Variants in MIDEAS observed in about 807,000 individuals in gnomAD.
MIDEAS encodes mitotic deacetylase-associated SANT domain protein.
A neutral mutation model predicts 102.7 loss-of-function variants in MIDEAS; 26 were observed. The ratio of observed to expected loss-of-function variants is 0.25; its 90% CI spans 0.19 to 0.35. The LOEUF (loss-of-function observed/expected upper bound fraction) is 0.35. MIDEAS is among the 10% of genes least tolerant of loss of function. The pLI is 1.00. For synonymous variants in MIDEAS, 585 were observed against 591.0 expected, an observed-to-expected ratio of 0.99 and a Z score of 0.15; for missense variants, 1,231 against 1,435.6, an observed-to-expected ratio of 0.86 and a Z score of 2.30.
intron 5 of MIDEAS, 118 bp from the exon 6 acceptor site, chr14:73,727,090 T>G: frequency 1.5e-6 from 2 of 1,313,320 alleles, no homozygotes; most frequent in Non-Finnish European, 1.0e-6. Flanking sequence ...CTCAGCTAGG[T>G]GTAGGGAGTC....
At chr14:73,782,391 A>G (rs1443474887) in intron 1 of MIDEAS, among the ~76,000 whole-genome samples, 3 of 152,170 alleles carry the variant, frequency 2.0e-5, no homozygotes, top group African/African-American at 2.4e-5. Context: ...GAAGAGAGAG[A>G]GAGAATCTCT....
At chr14:73,727,885 C>T (rs1211829595) in intron 4 of MIDEAS, 2 of 193,722 alleles carry the variant, frequency 1.0e-5, no homozygotes, top group Non-Finnish European at 2.1e-5. Context: ...ACACTAACTC[C>T]AACATAAAGC....
At chr14:73,734,648 C>G (rs541229534) in intron 3 of MIDEAS, among the ~76,000 whole-genome samples, 2 of 152,130 alleles carry the variant, frequency 1.3e-5, no homozygotes, top group South Asian at 4.2e-4. Context: ...CCAGGCTGGT[C>G]TCGAACTCCT....
chr14:73,732,897 C>G (rs922659727), intron 3 of MIDEAS, among the ~76,000 whole-genome samples: 1 of 150,726 alleles, frequency 6.6e-6, no homozygotes. Flanking sequence ...TCGAGACCAG[C>G]CTGGCCAACA....
At position 73,716,828 on chromosome 14, in the gene MIDEAS, G is replaced by T. The variant is rs1430691156; in HGVS notation, c.*2015C>A. 7 of 152,200 alleles carry T rather than the reference G, an allele frequency of 4.6e-5. No homozygotes were observed. The Admixed American group carries it at 4.6e-4, about 10-fold the overall frequency. The allele number at this position is 152,200 out of a possible 1,614,324, so 9.4% of individuals were successfully genotyped here. ...AACCAAATATGATTTGAATAGAAAA[G>T]ACCTTGGGAAACATAAGTAGCACTT... On this transcript the variant is annotated 3_prime_UTR_variant, in exon 13 of 13. Transcript: ENST00000423556.
intron 4 of MIDEAS, among the ~76,000 whole-genome samples, 167 bp downstream of exon 4, chr14:73,729,473 C>A (rs1433768571): frequency 6.6e-6 from 1 of 152,224 alleles, no homozygotes; most frequent in African/African-American, 2.4e-5. Context: ...CCCCACCCCT[C>A]CTTGTTGAAC....
intron 1 of MIDEAS, among the ~76,000 whole-genome samples, chr14:73,779,892 AG>A (rs1474118155): frequency 3.7e-5 from 4 of 107,754 alleles, no homozygotes; most frequent in Non-Finnish European, 7.6e-5. Context: ...TTTTTTTTTG[AG>A]ACAGAGTCTT....
At chr14:73,719,939 G>T (rs2052962560) in intron 11 of MIDEAS, among the ~76,000 whole-genome samples, 1 of 151,854 alleles carries the variant, frequency 6.6e-6, no homozygotes, top group African/African-American at 2.4e-5. Flanking sequence ...TCTGGTGGAA[G>T]GGACAGATGC....
rs773946244 is a variant in MIDEAS at position 73,730,041 on chromosome 14, A to C, written c.1750-56T>G. The C allele has an allele frequency of 8.4e-6, 13 of 1,550,888 alleles. No individual in the cohort carries two copies. In the South Asian group the frequency reaches 1.4e-4, roughly 16 times the overall value. On this transcript the variant is annotated intron_variant, in intron 3 of 12. Coordinates refer to ENST00000423556, the MANE Select transcript of MIDEAS (RefSeq NM_001367710.1). ...AGCCCCCCGTGTCCCAGAGAAAGTA[A>C]AGTCTTAACCACAGCTTGCCAGTCT...
intron 1 of MIDEAS, among the ~76,000 whole-genome samples, chr14:73,783,432 G>A (rs1042131174): frequency 3.3e-5 from 5 of 152,156 alleles, no homozygotes; most frequent in South Asian, 2.1e-4. Flanking sequence ...GTGGGTCACC[G>A]GGTCAGAGCC....
At chr14:73,730,169 G>C (rs76529453) in intron 3 of MIDEAS, 184 bp from the exon 4 acceptor site, 135,399 of 732,876 alleles carry the variant, frequency 0.18, 13,669 homozygotes, top group South Asian at 0.27. Context: ...GCAGAAGTCA[G>C]CAAACTTTTT....
At chr14:73,757,044 G>A (rs2053492154) in intron 1 of MIDEAS, among the ~76,000 whole-genome samples, 1 of 152,012 alleles carries the variant, frequency 6.6e-6, no homozygotes, top group Non-Finnish European at 1.5e-5. Flanking sequence ...AGGCCAAAGT[G>A]GGTGGATTTC....
At position 73,723,074 on chromosome 14, in the gene MIDEAS, C is replaced by T. The variant is rs2053017378; in HGVS notation, c.2575-227G>A. The T allele has an allele frequency of 6.9e-6, 3 of 432,676 alleles. No individual in the cohort carries two copies. In the South Asian group the frequency reaches 9.5e-5, roughly 14 times the overall value. 26.8% of individuals were successfully genotyped at this position (432,676 alleles called of 1,614,324 possible). A position where few individuals can be genotyped will look rare whatever the true frequency, so the allele number is the denominator to read the frequency against. Reference sequence around the variant, plus strand: ...AAAATAAGTAAATAAATAAAAAAAGCTATAAAGGACAATGTCGGAACCACT... The same window carrying T: ...AAAATAAGTAAATAAATAAAAAAAGTTATAAAGGACAATGTCGGAACCACT... On this transcript the variant is annotated intron_variant, in intron 9 of 12. Coordinates refer to ENST00000423556, the MANE Select transcript of MIDEAS (RefSeq NM_001367710.1).
At chr14:73,743,174 T>C (rs1033653830) in intron 1 of MIDEAS, among the ~76,000 whole-genome samples, 2 of 151,952 alleles carry the variant, frequency 1.3e-5, no homozygotes, top group African/African-American at 4.8e-5. Flanking sequence ...ACACCTCCCT[T>C]CCACAGCACA....
At chr14:73,721,683 T>TG in intron 10 of MIDEAS, 174 bp from the exon 11 acceptor site, 1 of 609,258 alleles carries the variant, frequency 1.6e-6, no homozygotes, top group Non-Finnish European at 2.9e-6. Context: ...ATAGTAGCCA[T>TG]GGGGACAGAA....
intron 1 of MIDEAS, among the ~76,000 whole-genome samples, chr14:73,784,580 T>C (rs116129293): frequency 7.4e-4 from 112 of 152,304 alleles, no homozygotes; most frequent in African/African-American, 2.1e-3. Context: ...ACTCAAAGCT[T>C]TGGGATCAGA....
Position 73,741,385 on chromosome 14 carries a change from T to C in MIDEAS, c.-247-1130A>G, listed in dbSNP as rs939923297. Among the ~76,000 whole-genome samples the C allele has an allele frequency of 3.3e-5, 5 of 150,790 alleles. No homozygotes were observed. The East Asian group carries it at 9.7e-4, about 29-fold the overall frequency. Reference sequence around the variant, plus strand: ...TTTTGTTTTTTTCCTGGGAAGTTGGTGGGGGTGGGAGCTACATAGCCCACC... The same window carrying C: ...TTTTGTTTTTTTCCTGGGAAGTTGGCGGGGGTGGGAGCTACATAGCCCACC... On this transcript the variant is annotated intron_variant, in intron 1 of 12. Coordinates refer to ENST00000423556, the MANE Select transcript of MIDEAS (RefSeq NM_001367710.1).
At position 73,729,980 on chromosome 14, in the gene MIDEAS, C is replaced by G. The variant is rs1385626250; in HGVS notation, c.1755G>C (p.Glu585Asp). The G allele has an allele frequency of 6.2e-7, 1 of 1,602,628 alleles. No individual in the cohort carries two copies. The highest frequency in any genetic ancestry group is 8.5e-7 in the Non-Finnish European group (1 of 1,172,528). Residue 585 changes from glutamate (E) to aspartate (D), a missense_variant, in exon 4 of 13, where the codon GAG becomes GAC. Glu to Asp is a conservative substitution (Grantham distance 45). Around this residue, in one of 5 missense-constraint regions of MIDEAS, gnomAD observed 758 missense variants for 856.0 expected, o/e 0.89. Coordinates refer to ENST00000423556, the MANE Select transcript of MIDEAS (RefSeq NM_001367710.1). ...IPGTDAQAQA[E>D]DMNVKLEGEP... ...CCCCCTCCAACTTGACATTCATGTC[C>G]TCTGCCTGGAGAAGGAAAGAAAACA...
chr14:73,725,961 C>T lies in MIDEAS; in HGVS notation c.2485+72G>A. 1 of 1,343,948 alleles carries T rather than the reference C, an allele frequency of 7.4e-7. No individual in the cohort carries two copies. Among genetic ancestry groups the T allele is most frequent in the Non-Finnish European group, 1.0e-6 (1 of 957,832 alleles). 83.3% of individuals were successfully genotyped at this position (1,343,948 alleles called of 1,614,324 possible). A position where few individuals can be genotyped will look rare whatever the true frequency, so the allele number is the denominator to read the frequency against. On this transcript the variant is annotated intron_variant, in intron 8 of 12. Coordinates refer to ENST00000423556, the MANE Select transcript of MIDEAS (RefSeq NM_001367710.1). This position sits in a 1 kb window ranked among gnomAD's most constrained non-coding sequence, Gnocchi z 4.1. ...CCCCACCCAGGGCTGTGACTCAGCA[C>T]TGAGCAGGGCCCCATGGATGCTGGA...
Sources: allele counts gnomAD v4.1 joint callset (sites outside exome capture counted in the v4.1 genomes callset), GRCh38; gene constraint gnomAD v4.1.1; regional missense constraint gnomAD v4.1.1; non-coding constraint Gnocchi (gnomAD v3.1); transcripts MANE v1.5; gene names NCBI Gene and HGNC (gene_info 2026-07-23, HGNC 2026-07-21).